Variants in COL5A2 observed in about 807,000 individuals in gnomAD.
COL5A2 encodes the protein collagen type V alpha 2 chain.
A neutral mutation model predicts 208.2 loss-of-function variants in COL5A2; 23 were observed. That is an observed-to-expected ratio of 0.11 (90% CI 0.08 to 0.16). The LOEUF (loss-of-function observed/expected upper bound fraction) is 0.16, where lower values mean the gene tolerates loss of function less well. Among genes scored for constraint, COL5A2 ranks in the 10% least tolerant of loss-of-function variants. The pLI, the probability that COL5A2 is intolerant of heterozygous loss-of-function variation, is 1.00. For missense variants in COL5A2, 1,590 were observed against 1,956.4 expected (o/e 0.81, Z 3.53); for synonymous variants, 625 against 628.5 (o/e 0.99, Z 0.08).
chr2:189,432,660 G>A, the COL5A2 span, among the ~76,000 whole-genome samples: 1 of 152,118 alleles, frequency 6.6e-6, no homozygotes, highest in African/African-American at 2.4e-5. Flanking sequence ...ACACAATACA[G>A]GAGCACCCAG....
At chr2:189,319,292 T>C in the COL5A2 span, among the ~76,000 whole-genome samples, 1 of 152,234 alleles carries the variant, frequency 6.6e-6, no homozygotes, top group Non-Finnish European at 1.5e-5. Flanking sequence ...TGGGTTCATC[T>C]CACTGGGGCT....
the COL5A2 span, among the ~76,000 whole-genome samples, chr2:189,312,423 G>T: frequency 6.6e-6 from 1 of 152,140 alleles, no homozygotes; most frequent in Non-Finnish European, 1.5e-5. Flanking sequence ...AGAGCCCCCA[G>T]TGCCTGCACA....
rs1173937743 is a variant in COL5A2, at chr2:189,197,557, C to T, written c.-42+27591G>A. On this transcript the variant is annotated intron_variant, in intron 1 of 10. Transcript: ENST00000649966. ...GTAGATGAAGGCACACAAAAGAACT[C>T]GTATGCTTTGTTGTGGCAAGGAAGG... Among the ~76,000 whole-genome samples, 4 of 151,726 alleles carry T rather than the reference C, an allele frequency of 2.6e-5. No individual in the cohort carries two copies. The South Asian group carries it at 6.3e-4, about 24-fold the overall frequency.
At chr2:189,210,086 C>A (rs143520201) in intron 1 of COL5A2, among the ~76,000 whole-genome samples, 1 of 152,132 alleles carries the variant, frequency 6.6e-6, no homozygotes, top group East Asian at 1.9e-4. Flanking sequence ...AGCAAACAGT[C>A]TTCAGAAGAA....
intron 1 of COL5A2, among the ~76,000 whole-genome samples, chr2:189,117,789 A>G (rs1310114702): frequency 4.0e-5 from 6 of 151,630 alleles, no homozygotes; most frequent in African/African-American, 1.5e-4. Context: ...TATATATTGA[A>G]TTTATTATGT....
the COL5A2 span, among the ~76,000 whole-genome samples, chr2:189,259,227 A>G: frequency 1.3e-5 from 2 of 152,080 alleles, no homozygotes; most frequent in African/African-American, 4.8e-5. Flanking sequence ...CAAGCAAAAA[A>G]TGCTTATTTC....
At chr2:189,223,949 A>C (rs1689380475) in intron 1 of COL5A2, among the ~76,000 whole-genome samples, 1 of 152,182 alleles carries the variant, frequency 6.6e-6, no homozygotes, top group South Asian at 2.1e-4. Context: ...TATGTACACT[A>C]TACTTCAATA....
At chr2:189,175,887 T>C (rs1265408268) in intron 1 of COL5A2, among the ~76,000 whole-genome samples, 2 of 152,200 alleles carry the variant, frequency 1.3e-5, no homozygotes, top group South Asian at 4.1e-4. Flanking sequence ...AACTACTGTG[T>C]TCTGCTACAT....
chr2:189,152,572 G>A (rs1478322101), intron 1 of COL5A2, among the ~76,000 whole-genome samples: 1 of 152,170 alleles, frequency 6.6e-6, no homozygotes, highest in African/African-American at 2.4e-5. Flanking sequence ...TCCCTACAGC[G>A]ATCCCTTTCT....
upstream of COL5A2, among the ~76,000 whole-genome samples, chr2:189,184,510 A>T (rs1035306836): frequency 1.3e-5 from 2 of 152,130 alleles, no homozygotes; most frequent in African/African-American, 4.8e-5. Flanking sequence ...GCTTGGGGAA[A>T]ATCTATTTCC....
At chr2:189,046,444 A>C (rs1685669711) in intron 45 of COL5A2, among the ~76,000 whole-genome samples, 1 of 152,200 alleles carries the variant, frequency 6.6e-6, no homozygotes, top group African/African-American at 2.4e-5. Flanking sequence ...TTATGATGCA[A>C]TGTCCCAAGG....
At chr2:189,165,385 C>T (rs1392349856) in intron 1 of COL5A2, among the ~76,000 whole-genome samples, 1 of 152,050 alleles carries the variant, frequency 6.6e-6, no homozygotes, top group Non-Finnish European at 1.5e-5. Flanking sequence ...ATAGTTTTTC[C>T]TCTTCCACTC....
intron 1 of COL5A2, among the ~76,000 whole-genome samples, chr2:189,112,745 G>C (rs2105717756): frequency 6.6e-6 from 1 of 152,202 alleles, no homozygotes; most frequent in African/African-American, 2.4e-5. Context: ...AAACCAAGGG[G>C]AAAATAGAAA....
chr2:189,271,224 A>C, the COL5A2 span, among the ~76,000 whole-genome samples: 1 of 152,180 alleles, frequency 6.6e-6, no homozygotes, highest in Non-Finnish European at 1.5e-5. Flanking sequence ...AAAAGAACAA[A>C]GCTGGAGCCA....
intron 45 of COL5A2, among the ~76,000 whole-genome samples, chr2:189,047,397 A>T (rs1266296778): frequency 6.6e-6 from 1 of 152,134 alleles, no homozygotes; most frequent in Non-Finnish European, 1.5e-5. Context: ...CTTCCTCCAA[A>T]TCCTTTCTTC....
chr2:189,226,292 T>A (rs1689417723), upstream of COL5A2, among the ~76,000 whole-genome samples: 1 of 152,252 alleles, frequency 6.6e-6, no homozygotes, highest in Admixed American at 6.5e-5. Flanking sequence ...AGGAGTGGCA[T>A]CAGCAAGATG....
At chr2:189,204,442 T>C (rs1336391561) in intron 1 of COL5A2, among the ~76,000 whole-genome samples, 1 of 152,218 alleles carries the variant, frequency 6.6e-6, no homozygotes, top group Non-Finnish European at 1.5e-5. Context: ...AAGAATCTAC[T>C]GCAACCTCCG....
chr2:189,071,620 A>C (rs1191934224), intron 18 of COL5A2, among the ~76,000 whole-genome samples: 1 of 152,156 alleles, frequency 6.6e-6, no homozygotes, highest in African/African-American at 2.4e-5. Context: ...AAAATGTTAG[A>C]TGCCTTTTGA....
chr2:189,331,949 CAAA>C, the COL5A2 span, among the ~76,000 whole-genome samples: 1 of 83,540 alleles, frequency 1.2e-5, no homozygotes. Flanking sequence ...GACTCCGTCT[CAAA>C]AAAAAAAAAA....
Sources: gnomAD v4.1 joint callset for allele counts (sites outside exome capture counted in the v4.1 genomes callset) on GRCh38, gnomAD v4.1.1 for gene constraint, MANE v1.5 for transcripts, NCBI Gene and HGNC (gene_info 2026-07-23, HGNC 2026-07-21) for gene names.